The following PSPC1 variants were observed in gnomAD, a reference collection of about 807,000 sequenced individuals.
PSPC1 encodes paraspeckle protein 1.
A neutral mutation model predicts 51.6 loss-of-function variants in PSPC1; 14 were observed. That is an observed-to-expected ratio of 0.27 (90% CI 0.18 to 0.42). PSPC1 has a LOEUF of 0.42. Ranked by LOEUF, PSPC1 falls within the 10% of genes least tolerant of loss-of-function variation. The probability of loss-of-function intolerance (pLI) is 1.00; values close to 1 mark genes in which losing one functional copy is unlikely to be tolerated. For synonymous variants in PSPC1, 193 were observed against 231.9 expected (o/e 0.83, Z 1.53); for missense variants, 406 against 701.1 (o/e 0.58, Z 4.75).
chr13:19,779,930 C>T (rs1889724040), intron 1 of PSPC1, among the ~76,000 whole-genome samples: 3 of 132,672 alleles, frequency 2.3e-5, no homozygotes, highest in Non-Finnish European at 3.3e-5. Context: ...GCCCCCCGCC[C>T]GGCCAGCCGC....
intron 6 of PSPC1, among the ~76,000 whole-genome samples, chr13:19,694,670 A>G (rs541302651): frequency 5.9e-5 from 9 of 152,322 alleles, no homozygotes; most frequent in African/African-American, 2.2e-4. Flanking sequence ...ACTGAATTTA[A>G]GTCAATTACA....
Position 19,730,335 on chromosome 13 carries a change from C to G in PSPC1, c.1062G>C (p.Glu354Asp). ...KRKQIQLRHEEEHRRREEEMI... is the reference protein window; with the variant it reads ...KRKQIQLRHEDEHRRREEEMI... The stretch of plus-strand genomic sequence containing the variant: ...TTTCTTCCTCACGCCGCCGATGCTC[C>G]TCTTCATGTCTGAAAATTTTTCAAA... Residue 354 changes from glutamate to aspartate, a missense_variant, in exon 6 of 9, where the codon GAG becomes GAC. By Grantham distance (45) the Glu-to-Asp change is conservative (BLOSUM62 2). This residue lies in a region of PSPC1 where 61 missense variants were observed against 78.4 expected (regional missense o/e 0.78). Coordinates refer to ENST00000338910, the MANE Select transcript of PSPC1 (RefSeq NM_001354909.2). The G allele has an allele frequency of 6.2e-7, 1 of 1,613,944 alleles. No homozygotes were observed. The highest frequency in any genetic ancestry group is 8.5e-7 in the Non-Finnish European group (1 of 1,179,960).
At chr13:19,772,627 G>T (rs1037666359) in intron 1 of PSPC1, 84 bp from the exon 2 acceptor site, 3 of 1,344,622 alleles carry the variant, frequency 2.2e-6, no homozygotes, top group Admixed American at 2.4e-5. Context: ...GGAGAACTAG[G>T]TATCTTTAGC....
At chr13:19,699,770 A>G (rs1050426379), downstream of PSPC1, among the ~76,000 whole-genome samples, 2 of 152,052 alleles carry the variant, frequency 1.3e-5, no homozygotes, top group African/African-American at 4.8e-5. Context: ...GGAAAACATG[A>G]ATAACTGTTG....
Position 19,680,808 on chromosome 13 carries a change from G to A in PSPC1, c.1159-2985C>T, listed in dbSNP as rs572457528. Among the ~76,000 whole-genome samples, 10 of 152,196 alleles carry A rather than the reference G, an allele frequency of 6.6e-5. No individual in the cohort carries two copies. The South Asian group carries it at 2.1e-3, about 32-fold the overall frequency. On this transcript the variant is annotated intron_variant and NMD_transcript_variant, in intron 6 of 7. Coordinates refer to the PSPC1 transcript ENST00000471658. ...CATGCCAAAACATTTAAACAAAAGCGAGTGAAAAAGGCCCCTCTAACCACC... is the reference window on the plus strand; with the variant it reads ...CATGCCAAAACATTTAAACAAAAGCAAGTGAAAAAGGCCCCTCTAACCACC...
chr13:19,722,267 CAGG>C (rs1243494938), intron 6 of PSPC1, among the ~76,000 whole-genome samples: 1 of 147,900 alleles, frequency 6.8e-6, no homozygotes, highest in Non-Finnish European at 1.5e-5. Context: ...GAGGCAGAGG[CAGG>C]AGGATTGCTT....
At chr13:19,686,084 TCTC>T (rs1376548959) in intron 6 of PSPC1, among the ~76,000 whole-genome samples, 1 of 152,206 alleles carries the variant, frequency 6.6e-6, no homozygotes, top group East Asian at 1.9e-4. Flanking sequence ...TGATTCTCGC[TCTC>T]CTCCACTCAA....
intron 7 of PSPC1, among the ~76,000 whole-genome samples, chr13:19,709,174 A>T (rs1446077639): frequency 6.6e-6 from 1 of 151,124 alleles, no homozygotes; most frequent in African/African-American, 2.4e-5. Context: ...AAAAAAAAAA[A>T]AAAAAGCCAA....
intron 6 of PSPC1, among the ~76,000 whole-genome samples, chr13:19,728,052 A>C (rs1456805818): frequency 1.3e-5 from 2 of 152,194 alleles, no homozygotes; most frequent in Non-Finnish European, 2.9e-5. Context: ...ACTGATATTG[A>C]TGAAGTACTG....
At chr13:19,711,639 T>TAAAAA (rs143917566) in intron 6 of PSPC1, among the ~76,000 whole-genome samples, 13 of 80,864 alleles carry the variant, frequency 1.6e-4, no homozygotes, top group East Asian at 3.6e-4. Flanking sequence ...CTCCGTCTCA[T>TAAAAA]AAAAAAAAAA....
At chr13:19,774,354 T>C (rs1330733812) in intron 1 of PSPC1, among the ~76,000 whole-genome samples, 2 of 152,242 alleles carry the variant, frequency 1.3e-5, no homozygotes, top group Admixed American at 1.3e-4. Context: ...GAGCTCTTTA[T>C]TCAATCCCTA....
intron 3 of PSPC1, among the ~76,000 whole-genome samples, chr13:19,756,688 C>A (rs1428616327): frequency 6.6e-6 from 1 of 151,592 alleles, no homozygotes; most frequent in Non-Finnish European, 1.5e-5. Context: ...TTAGTAGAGA[C>A]GGGGGTTTCA....
At chr13:19,746,358 C>T (rs546988429) in intron 4 of PSPC1, among the ~76,000 whole-genome samples, 5 of 151,900 alleles carry the variant, frequency 3.3e-5, no homozygotes, top group East Asian at 2.0e-4. Flanking sequence ...GCCGAGATTG[C>T]GCCACTGCAC....
downstream of PSPC1, among the ~76,000 whole-genome samples, chr13:19,698,493 T>A (rs1258414931): frequency 6.6e-6 from 1 of 151,802 alleles, no homozygotes; most frequent in Non-Finnish European, 1.5e-5. Flanking sequence ...ATGAAGAAAA[T>A]CTAAAATGAA....
intron 6 of PSPC1, among the ~76,000 whole-genome samples, chr13:19,687,237 T>G (rs1877999279): frequency 1.3e-5 from 2 of 152,086 alleles, no homozygotes; most frequent in Admixed American, 1.3e-4. Context: ...TAAAGCCATC[T>G]TTAGTATATG....
In PSPC1 at chr13:19,750,935, A is replaced by G. The variant is rs537525261; in HGVS notation, c.967+336T>C. 2.0e-5 allele frequency among the ~76,000 whole-genome samples: 3 copies of G among 151,948 alleles called. No individual in the cohort carries two copies. The South Asian group carries it at 6.2e-4, about 32-fold the overall frequency. On this transcript the variant is annotated intron_variant, in intron 4 of 8. Transcript: ENST00000338910. ...CAGGTGCGCACCACCACGGCTGGCT[A>G]ATTTTGTATTTTTAGTAGAGATGGG...
intron 6 of PSPC1, among the ~76,000 whole-genome samples, chr13:19,697,470 T>C (rs1038929595): frequency 3.3e-5 from 5 of 152,192 alleles, no homozygotes; most frequent in South Asian, 2.1e-4. Flanking sequence ...TTAATGGATA[T>C]AGTGAAATTC....
At chr13:19,745,487 T>C (rs192880828) in intron 4 of PSPC1, among the ~76,000 whole-genome samples, 1 of 152,298 alleles carries the variant, frequency 6.6e-6, no homozygotes, top group Admixed American at 6.5e-5. Context: ...CAATTTAAAA[T>C]TGCACAAGTC....
intron 5 of PSPC1, among the ~76,000 whole-genome samples, chr13:19,732,212 C>A (rs1428668715): frequency 6.6e-6 from 1 of 152,130 alleles, no homozygotes; most frequent in Admixed American, 6.6e-5. Flanking sequence ...ACTCTCTATA[C>A]AACTCTTAGT....
Sources: allele counts gnomAD v4.1 joint callset (sites outside exome capture counted in the v4.1 genomes callset), GRCh38; gene constraint gnomAD v4.1.1; regional missense constraint gnomAD v4.1.1; transcripts MANE v1.5; gene names NCBI Gene and HGNC (gene_info 2026-07-23, HGNC 2026-07-21).